IGDCC3: variants seen among roughly 807,000 people sequenced by gnomAD.
IGDCC3 encodes putative neuronal cell adhesion molecule.
In IGDCC3, 47 loss-of-function variants were observed where a neutral mutation model predicts 72.0. The observed-to-expected ratio is 0.65, with a 90% CI of 0.52 to 0.83. The LOEUF (loss-of-function observed/expected upper bound fraction) is 0.83, where lower values mean the gene tolerates loss of function less well. Among genes scored for constraint, IGDCC3 ranks in the 40% least tolerant of loss-of-function variants. The probability of loss-of-function intolerance (pLI) is 0.00; values close to 1 mark genes in which losing one functional copy is unlikely to be tolerated. For missense variants in IGDCC3, 1,038 were observed against 1,091.3 expected, an observed-to-expected ratio of 0.95 and a Z score of 0.69; for synonymous variants, 477 against 472.8, an observed-to-expected ratio of 1.01 and a Z score of -0.11.
intron 2 of IGDCC3, chr15:65,373,536 C>T (rs554915566): frequency 6.6e-6 from 1 of 152,650 alleles, no homozygotes; most frequent in Non-Finnish European, 1.5e-5. Flanking sequence ...ACTCACCAGC[C>T]GTTCAGAGCA....
At chr15:65,367,711 T>TG (rs2140169404) in intron 2 of IGDCC3, among the ~76,000 whole-genome samples, 1 of 152,068 alleles carries the variant, frequency 6.6e-6, no homozygotes, top group South Asian at 2.1e-4. Context: ...GGTCAGTCCC[T>TG]TACAGGACCT....
At chr15:65,376,049 G>A (rs2091356948) in intron 1 of IGDCC3, among the ~76,000 whole-genome samples, 1 of 152,202 alleles carries the variant, frequency 6.6e-6, no homozygotes, top group Non-Finnish European at 1.5e-5. Flanking sequence ...GCAGGGAGCA[G>A]GGTGTGTGGT....
At chr15:65,362,514 G>C (rs1255787087) in intron 2 of IGDCC3, among the ~76,000 whole-genome samples, 1 of 128,228 alleles carries the variant, frequency 7.8e-6, no homozygotes, top group African/African-American at 2.8e-5. Flanking sequence ...TCTCTGACCT[G>C]CTCACACGAA....
intron 5 of IGDCC3, chr15:65,334,434 G>T: frequency 2.6e-6 from 1 of 380,618 alleles, no homozygotes; most frequent in Admixed American, 4.5e-5. Flanking sequence ...GGCTGCTGAA[G>T]GGTGCTGGGG....
intron 2 of IGDCC3, among the ~76,000 whole-genome samples, chr15:65,345,601 C>T (rs2091118622): frequency 7.3e-6 from 1 of 137,224 alleles, no homozygotes; most frequent in Non-Finnish European, 1.5e-5. Flanking sequence ...CATGCACACA[C>T]AGACACGCAC....
chr15:65,353,444 G>A (rs1185551247), intron 2 of IGDCC3, among the ~76,000 whole-genome samples: 2 of 152,184 alleles, frequency 1.3e-5, no homozygotes, highest in South Asian at 2.1e-4. Context: ...TAGAGACGGG[G>A]TTTCACCGTG....
chr15:65,332,026 C>T lies in IGDCC3; in HGVS notation c.1063G>A (p.Gly355Ser). ...CACGTGACATGAGGCGGTGGCTCAC[C>T]CTGGGCTTGGCAGGTGAACATGGCT... ...TTAMFTCQAQ[G>S]EPPPHVTWLK... The change falls in exon 7 of 14, where the codon GGT becomes AGT. Residue 355 changes from glycine to serine, a missense_variant. Gly to Ser is a moderately conservative substitution (Grantham distance 56). Coordinates refer to ENST00000327987, the MANE Select transcript of IGDCC3 (RefSeq NM_004884.4). 1 of 1,614,168 alleles carries T rather than the reference C, an allele frequency of 6.2e-7. No homozygotes were observed. The highest frequency in any genetic ancestry group is 8.5e-7 in the Non-Finnish European group (1 of 1,180,028).
chr15:65,353,614 G>A lies in IGDCC3; in HGVS notation c.410-17658C>T, dbSNP rs546936147. ...GATAAAAAGGTCAGCACAAAATACA[G>A]GTCATAAAGACCTTGCTAATAAAAC... On this transcript the variant is annotated intron_variant, in intron 2 of 13. Transcript: ENST00000327987. Among the ~76,000 whole-genome samples, 5 of 152,242 alleles carry A rather than the reference G, an allele frequency of 3.3e-5. No individual in the cohort carries two copies. The East Asian group carries it at 9.7e-4, about 29-fold the overall frequency.
Position 65,327,515 on chromosome 15 carries a change from C to A in IGDCC3, c.*1394G>T, listed in dbSNP as rs1359223675. On this transcript the variant is annotated 3_prime_UTR_variant, in exon 14 of 14. Transcript: ENST00000327987. ...CTTAAGGAATACACTTATCTTTTTT[C>A]TTTAAAAAAAGTTTTTCTTCTGCTA... 6.6e-6 allele frequency: 1 copy of A among 152,016 alleles called. No homozygotes were observed. Among genetic ancestry groups the A allele is most frequent in the Non-Finnish European group, 1.5e-5 (1 of 67,952 alleles). 9.4% of individuals were successfully genotyped at this position (152,016 alleles called of 1,614,324 possible).
rs1303638622 is a variant in IGDCC3 at position 65,335,285 on chromosome 15, C to T, written c.685+6G>A. 6.2e-7 allele frequency: 1 copy of T among 1,604,864 alleles called. No individual in the cohort carries two copies. On this transcript the variant is annotated splice_donor_region_variant and intron_variant, in intron 4 of 13. Coordinates refer to ENST00000327987, the MANE Select transcript of IGDCC3 (RefSeq NM_004884.4). ...AGGTTGGGGGAAAGTGCTGAAGGAC[C>T]CTCACCTGACACAGTGAGCCTGGCC...
intron 2 of IGDCC3, among the ~76,000 whole-genome samples, chr15:65,337,390 C>A (rs1181877663): frequency 1.3e-5 from 2 of 152,192 alleles, no homozygotes. Context: ...GTGTCTGTGT[C>A]TGGACGGGAA....
In IGDCC3 at chr15:65,330,667, G is replaced by T. The variant is rs140198155; in HGVS notation, c.1636C>A (p.Arg546=). 2.5e-6 allele frequency: 4 copies of T among 1,613,372 alleles called. No individual in the cohort carries two copies. In the Admixed American group the frequency reaches 5.0e-5, roughly 20 times the overall value. ...SLQLLWEPWP[R]LAQHEGGFKL... ...AAGCCGCCCTCGTGCTGGGCCAGCC[G>T]GGGCCAAGGCTCCCACAGCAGCTGC... Residue 546 remains arginine, a synonymous_variant, in exon 10 of 14, where the codon CGG becomes AGG. Transcript: ENST00000327987.
chr15:65,377,693 C>T lies in IGDCC3; in HGVS notation c.96G>A (p.Pro32=), dbSNP rs1206570994. 1 of 1,425,848 alleles carries T rather than the reference C, an allele frequency of 7.0e-7. No homozygotes were observed. The highest frequency in any genetic ancestry group is 9.1e-7 in the Non-Finnish European group (1 of 1,094,026). 88.3% of individuals were successfully genotyped at this position (1,425,848 alleles called of 1,614,324 possible). ...CGGGGCGCTTTCACTCACCCTCGCT[C>T]GGCGCGGGCAGCAGCAGCAACAGCA... is the stretch of plus-strand genomic sequence containing the variant. The part of the protein sequence containing the change: ...LPLLLLLLPA[P]SEGLGHSAEL... The change falls in exon 1 of 14, where the codon CCG becomes CCA. Residue 32 remains proline, a synonymous_variant. Transcript: ENST00000327987. The surrounding 1 kb of genome is among the most constrained non-coding windows in gnomAD (Gnocchi z 4.9).
At chr15:65,335,444 T>C (rs1161500895) in intron 3 of IGDCC3, 23 bp from the exon 4 acceptor site, 1 of 1,593,926 alleles carries the variant, frequency 6.3e-7, no homozygotes, top group Non-Finnish European at 8.5e-7. Flanking sequence ...GGGACATAGT[T>C]GGCCACCAGC....
intron 2 of IGDCC3, among the ~76,000 whole-genome samples, chr15:65,360,251 T>A (rs1369528114): frequency 6.6e-6 from 1 of 152,218 alleles, no homozygotes; most frequent in Non-Finnish European, 1.5e-5. Context: ...ATTAACATCA[T>A]ACCAGCCTGC....
At chr15:65,360,080 A>G (rs2091250615) in intron 2 of IGDCC3, among the ~76,000 whole-genome samples, 1 of 152,196 alleles carries the variant, frequency 6.6e-6, no homozygotes, top group Non-Finnish European at 1.5e-5. Flanking sequence ...TTTGCAGACA[A>G]GTGGGAGGGA....
At chr15:65,370,618 G>GTATATATATATATATATA (rs779669712) in intron 2 of IGDCC3, among the ~76,000 whole-genome samples, 151 of 56,826 alleles carry the variant, frequency 2.7e-3, no homozygotes, top group Non-Finnish European at 3.6e-3. Flanking sequence ...ATATATGTAT[G>GTATATATATATATATATA]TGTATATATA....
intron 6 of IGDCC3, 21 bp from the exon 7 acceptor site, chr15:65,332,127 G>A (rs1262332853): frequency 1.9e-6 from 3 of 1,606,964 alleles, no homozygotes; most frequent in East Asian, 2.2e-5. Context: ...AGTCAGGAGG[G>A]TGGGGGCGCA....
rs1192778441 is a variant in IGDCC3 at position 65,377,700 on chromosome 15, G to GGCAGCAGCA, written c.80_88dup (p.Leu27_Leu29dup). ...CTTTCACTCACCCTCGCTCGGCGCGGGCAGCAGCAGCAACAGCAGCGGCAG... is the reference window on the plus strand; with the variant it reads ...CTTTCACTCACCCTCGCTCGGCGCGGGCAGCAGCAGCAGCAGCAGCAACAGCAGCGGCAG... On this transcript the variant is annotated inframe_insertion, in exon 1 of 14. Coordinates refer to ENST00000327987, the MANE Select transcript of IGDCC3 (RefSeq NM_004884.4). The surrounding 1 kb of genome is among the most constrained non-coding windows in gnomAD (Gnocchi z 4.9). The GGCAGCAGCA allele has an allele frequency of 1.4e-6, 2 of 1,413,702 alleles. No homozygotes were observed. Among genetic ancestry groups the GGCAGCAGCA allele is most frequent in the Non-Finnish European group, 9.2e-7 (1 of 1,087,774 alleles). The allele number at this position is 1,413,702 out of a possible 1,614,324, so 87.6% of individuals were successfully genotyped here. A position where few individuals can be genotyped will look rare whatever the true frequency, so the allele number is the denominator to read the frequency against.
Sources: allele counts gnomAD v4.1 joint callset (sites outside exome capture counted in the v4.1 genomes callset), GRCh38; gene constraint gnomAD v4.1.1; non-coding constraint Gnocchi (gnomAD v3.1); transcripts MANE v1.5; gene names NCBI Gene and HGNC (gene_info 2026-07-23, HGNC 2026-07-21).